TMEM117: variants seen among roughly 807,000 people sequenced by gnomAD.
The protein encoded by TMEM117 is transmembrane protein 117.
In TMEM117, 27 loss-of-function variants were observed where a neutral mutation model predicts 52.4. The ratio of observed to expected loss-of-function variants is 0.51; its 90% CI spans 0.38 to 0.71. TMEM117 has a LOEUF of 0.71. Among genes scored for constraint, TMEM117 ranks in the 30% least tolerant of loss-of-function variants. The pLI, the probability that TMEM117 is intolerant of heterozygous loss-of-function variation, is 0.00. For missense variants in TMEM117, 556 were observed against 630.5 expected (o/e 0.88, Z 1.26); for synonymous variants, 215 against 206.3 (o/e 1.04, Z -0.36).
intron 3 of TMEM117, among the ~76,000 whole-genome samples, chr12:43,992,470 G>A (rs1429655171): frequency 6.6e-6 from 1 of 151,880 alleles, no homozygotes; most frequent in Non-Finnish European, 1.5e-5. Flanking sequence ...TGTAGACACG[G>A]GTCTCACCAT....
chr12:44,360,375 T>G (rs2138806467), intron 6 of TMEM117, among the ~76,000 whole-genome samples: 1 of 151,994 alleles, frequency 6.6e-6, no homozygotes, highest in Middle Eastern at 3.4e-3. Flanking sequence ...AAGTCAGGCA[T>G]TTTAGACCAG....
At chr12:44,189,160 A>G (rs867982618) in intron 4 of TMEM117, among the ~76,000 whole-genome samples, 3 of 152,106 alleles carry the variant, frequency 2.0e-5, no homozygotes, top group Non-Finnish European at 4.4e-5. Context: ...AATATGTCTT[A>G]TTTCTTTTAA....
chr12:44,027,525 AAT>A (rs1286924370), intron 3 of TMEM117, among the ~76,000 whole-genome samples: 1 of 152,192 alleles, frequency 6.6e-6, no homozygotes, highest in Non-Finnish European at 1.5e-5. Flanking sequence ...ATAGGTCAGT[AAT>A]ATAGTAGAAT....
rs190556194 is a variant in TMEM117 at position 44,028,391 on chromosome 12, G to A, written c.410+84049G>A. ...CTTGAATAGGAGCTGGGTAAAATAA[G>A]GCTGACACCTACTGGGCTGCATTCC... is the stretch of plus-strand genomic sequence containing the variant. On this transcript the variant is annotated intron_variant, in intron 3 of 7. Transcript: ENST00000266534. Among the ~76,000 whole-genome samples the A allele has an allele frequency of 2.7e-3, 414 of 152,294 alleles. 4 individuals carry two copies. Among genetic ancestry groups the A allele is most frequent in the African/African-American group, 9.4e-3 (390 of 41,568 alleles).
chr12:43,970,025 A>G (rs777974781), intron 3 of TMEM117, among the ~76,000 whole-genome samples: 3 of 152,188 alleles, frequency 2.0e-5, no homozygotes, highest in Non-Finnish European at 4.4e-5. Flanking sequence ...TTCATAAGTT[A>G]TAAGTTGTGA....
At chr12:44,217,735 C>T (rs1483970318) in intron 5 of TMEM117, among the ~76,000 whole-genome samples, 1 of 152,036 alleles carries the variant, frequency 6.6e-6, no homozygotes, top group Non-Finnish European at 1.5e-5. Flanking sequence ...ATTCCAGAAA[C>T]CAAAGAGGAA....
At chr12:43,930,946 G>A (rs992731475) in intron 2 of TMEM117, among the ~76,000 whole-genome samples, 2 of 152,146 alleles carry the variant, frequency 1.3e-5, no homozygotes, top group Non-Finnish European at 2.9e-5. Context: ...GGCCAAAACA[G>A]CTATTTCATA....
intron 2 of TMEM117, among the ~76,000 whole-genome samples, chr12:43,942,796 T>A (rs961008138): frequency 1.3e-5 from 2 of 152,146 alleles, no homozygotes; most frequent in Admixed American, 1.3e-4. Context: ...AGAGATACTG[T>A]TTGTCGCTAG....
intron 3 of TMEM117, among the ~76,000 whole-genome samples, chr12:44,142,479 A>G (rs1364842773): frequency 6.6e-6 from 1 of 152,192 alleles, no homozygotes; most frequent in Non-Finnish European, 1.5e-5. Flanking sequence ...AAAAGAAAAG[A>G]CTGAATTGGA....
Position 44,171,013 on chromosome 12 carries a change from C to CT in TMEM117, c.510+27409dup, listed in dbSNP as rs757855409. Among the ~76,000 whole-genome samples the CT allele has an allele frequency of 9.7e-3, 1,275 of 132,118 alleles. 11 individuals carry two copies. The highest frequency in any genetic ancestry group is 0.014 in the East Asian group (66 of 4,708). The allele number at this position is 132,118 out of a possible 152,430, so 86.7% of individuals were successfully genotyped here. On this transcript the variant is annotated intron_variant, in intron 4 of 7. Transcript: ENST00000266534. ...ATTTTCTCTCTTTATTAACAAATATCTTTTTTTTTTTTTTTTTTTTGAGAC... is the reference window on the plus strand; with the variant it reads ...ATTTTCTCTCTTTATTAACAAATATCTTTTTTTTTTTTTTTTTTTTTGAGAC...
chr12:44,397,045 T>A, the TMEM117 span, among the ~76,000 whole-genome samples: 2 of 151,920 alleles, frequency 1.3e-5, no homozygotes, highest in African/African-American at 4.8e-5. Context: ...ATTTAAAAAA[T>A]CCAATTTAAA....
intron 3 of TMEM117, among the ~76,000 whole-genome samples, chr12:43,964,406 C>T (rs1361316623): frequency 6.6e-6 from 1 of 152,162 alleles, no homozygotes; most frequent in Admixed American, 6.5e-5. Flanking sequence ...TTATATACTT[C>T]CTGATCTCTT....
intron 4 of TMEM117, among the ~76,000 whole-genome samples, chr12:44,168,620 T>C (rs1022726665): frequency 3.3e-5 from 5 of 152,220 alleles, no homozygotes; most frequent in Non-Finnish European, 5.9e-5. Context: ...CAGGAAGCTT[T>C]TTTGATTTTT....
the TMEM117 span, chr12:43,806,120 A>C: frequency 4.6e-6 from 7 of 1,524,724 alleles, no homozygotes; most frequent in Admixed American, 1.2e-4. Context: ...CGACTTCCGG[A>C]GCTCCCGGCC....
At chr12:44,124,607 C>T (rs900394320) in intron 3 of TMEM117, among the ~76,000 whole-genome samples, 13 of 152,138 alleles carry the variant, frequency 8.5e-5, no homozygotes, top group African/African-American at 2.9e-4. Context: ...GAGTTTTTAA[C>T]GTGAAGAAAT....
chr12:44,262,487 G>T (rs1950331482), intron 5 of TMEM117, among the ~76,000 whole-genome samples: 1 of 152,122 alleles, frequency 6.6e-6, no homozygotes, highest in African/African-American at 2.4e-5. Context: ...AATGAAAGAG[G>T]TTATCTTGTC....
intron 2 of TMEM117, among the ~76,000 whole-genome samples, chr12:43,854,323 A>G (rs1201477972): frequency 3.9e-5 from 6 of 152,100 alleles, no homozygotes; most frequent in Non-Finnish European, 7.3e-5. Flanking sequence ...AAAGGCAAGC[A>G]GATTGGGGTA....
intron 4 of TMEM117, among the ~76,000 whole-genome samples, chr12:44,156,481 G>GACT (rs1295662659): frequency 6.6e-6 from 1 of 152,062 alleles, no homozygotes; most frequent in Non-Finnish European, 1.5e-5. Context: ...AAGTTTCAAA[G>GACT]ACTACTGATG....
At chr12:44,215,801 A>C (rs796867235) in intron 5 of TMEM117, among the ~76,000 whole-genome samples, 5 of 151,920 alleles carry the variant, frequency 3.3e-5, no homozygotes, top group African/African-American at 1.2e-4. Flanking sequence ...TGGGAGATCT[A>C]GTGCTCATTA....
Sources: gnomAD v4.1 joint callset for allele counts (sites outside exome capture counted in the v4.1 genomes callset) on GRCh38, gnomAD v4.1.1 for gene constraint, MANE v1.5 for transcripts, NCBI Gene and HGNC (gene_info 2026-07-23, HGNC 2026-07-21) for gene names.